Variants in EIF4G3 observed in about 807,000 individuals in gnomAD.
EIF4G3 encodes the protein eIF-4-gamma 3.
A neutral mutation model predicts 186.4 loss-of-function variants in EIF4G3; 34 were observed. The ratio of observed to expected loss-of-function variants is 0.18; its 90% CI spans 0.14 to 0.24. The LOEUF (loss-of-function observed/expected upper bound fraction) is 0.24. Among genes scored for constraint, EIF4G3 ranks in the 10% least tolerant of loss-of-function variants. The probability of loss-of-function intolerance (pLI) is 1.00; values close to 1 mark genes in which losing one functional copy is unlikely to be tolerated. For synonymous variants in EIF4G3, 673 were observed against 679.5 expected (o/e 0.99, Z 0.15); for missense variants, 1,536 against 1,948.5 (o/e 0.79, Z 3.99).
intron 12 of EIF4G3, among the ~76,000 whole-genome samples, chr1:20,962,809 T>A (rs1410874664): frequency 1.3e-5 from 2 of 152,162 alleles, no homozygotes; most frequent in Non-Finnish European, 2.9e-5. Context: ...TTGAGCTTAC[T>A]AAAATAGCAA....
At chr1:20,840,829 A>C (rs757137203) in intron 30 of EIF4G3, 27 bp downstream of exon 30, 4 of 1,608,204 alleles carry the variant, frequency 2.5e-6, no homozygotes, top group Non-Finnish European at 3.4e-6. Context: ...CTAGTAACTG[A>C]ATACCACTCT....
At chr1:21,123,784 CT>C (rs1234108011) in intron 2 of EIF4G3, among the ~76,000 whole-genome samples, 2 of 152,000 alleles carry the variant, frequency 1.3e-5, no homozygotes, top group African/African-American at 4.8e-5. Flanking sequence ...CACATAGGTC[CT>C]ATAAAAAATA....
At chr1:21,068,263 G>A (rs1426156687) in intron 3 of EIF4G3, among the ~76,000 whole-genome samples, 1 of 151,124 alleles carries the variant, frequency 6.6e-6, no homozygotes, top group Non-Finnish European at 1.5e-5. Context: ...CAGCTACTCG[G>A]GAGGCTGAGG....
chr1:21,167,936 A>G (rs2097885591), intron 2 of EIF4G3: 17 of 387,136 alleles, frequency 4.4e-5, no homozygotes, highest in South Asian at 3.1e-4. Context: ...TACAGGAACA[A>G]TAACTCAAAA....
chr1:20,807,323 T>C lies in EIF4G3; in HGVS notation c.4922A>G (p.Asn1641Ser). The C allele has an allele frequency of 6.4e-7, 1 of 1,572,738 alleles. No individual in the cohort carries two copies. The highest frequency in any genetic ancestry group is 1.2e-5 in the South Asian group (1 of 85,002). Residue 1641 changes from asparagine (N) to serine (S), a missense_variant, in exon 37 of 37, where the codon AAC becomes AGC. This residue lies in a region of EIF4G3 where 45 missense variants were observed against 99.1 expected (regional missense o/e 0.45). Transcript: ENST00000602326. ...LREAEEESED[N>S] ...TCATTTTGTGTATTTGAAGTTTTAG[T>C]TATCCTCAGACTCCTCTTCTGCTTC...
At chr1:20,905,063 G>C in intron 14 of EIF4G3, 92 bp from the exon 15 acceptor site, 1 of 926,268 alleles carries the variant, frequency 1.1e-6, no homozygotes, top group South Asian at 1.7e-5. Flanking sequence ...AATTAAGCAG[G>C]ATAAAAGAGA....
At chr1:20,952,910 C>T (rs1041759579) in intron 12 of EIF4G3, among the ~76,000 whole-genome samples, 2 of 152,050 alleles carry the variant, frequency 1.3e-5, no homozygotes, top group Admixed American at 6.6e-5. Flanking sequence ...AGTTCCTTAT[C>T]TTCCCAAAGA....
intron 4 of EIF4G3, among the ~76,000 whole-genome samples, chr1:21,016,058 T>C (rs539223144): frequency 8.3e-4 from 126 of 152,318 alleles, no homozygotes; most frequent in African/African-American, 3.0e-3. Flanking sequence ...GTCCAGTTTT[T>C]ATTCTTTTAC....
intron 29 of EIF4G3, among the ~76,000 whole-genome samples, chr1:20,845,226 T>C (rs935105126): frequency 2.0e-5 from 3 of 152,320 alleles, no homozygotes; most frequent in Non-Finnish European, 2.9e-5. Flanking sequence ...CCTTTCCCCA[T>C]TGCTTGTTTT....
chr1:21,082,338 A>G (rs1042818495), intron 3 of EIF4G3, among the ~76,000 whole-genome samples: 1 of 151,950 alleles, frequency 6.6e-6, no homozygotes, highest in Non-Finnish European at 1.5e-5. Context: ...TAATCCCAGC[A>G]TATTCGGAGG....
intron 6 of EIF4G3, among the ~76,000 whole-genome samples, chr1:21,000,126 A>AT (rs2083175329): frequency 7.8e-6 from 1 of 128,452 alleles, no homozygotes; most frequent in Non-Finnish European, 1.8e-5. Context: ...TAGACAGGCT[A>AT]TTAAAAAAAA....
At position 21,042,941 on chromosome 1, in the gene EIF4G3, C is replaced by A. The variant is rs184094166; in HGVS notation, c.-67+7925G>T. On this transcript the variant is annotated intron_variant, in intron 4 of 36. Transcript: ENST00000602326. Reference sequence around the variant, plus strand: ...TGAACTGAATTAGCAATTTTCAGAACCATAAAAATCTAAAAATCTGAATGT... The same window carrying A: ...TGAACTGAATTAGCAATTTTCAGAAACATAAAAATCTAAAAATCTGAATGT... Among the ~76,000 whole-genome samples the A allele has an allele frequency of 8.5e-5, 13 of 152,208 alleles. No homozygotes were observed. In the East Asian group the frequency reaches 2.3e-3, roughly 27 times the overall value.
chr1:20,933,426 C>G (rs1244692923), intron 14 of EIF4G3, among the ~76,000 whole-genome samples: 1 of 151,866 alleles, frequency 6.6e-6, no homozygotes, highest in Non-Finnish European at 1.5e-5. Context: ...GGAGGCTGAG[C>G]CGGGTGGATC....
intron 18 of EIF4G3, among the ~76,000 whole-genome samples, chr1:20,889,428 T>C (rs548185830): frequency 2.0e-5 from 3 of 152,348 alleles, no homozygotes; most frequent in African/African-American, 4.8e-5. Flanking sequence ...CCTCTTAAGA[T>C]ATATTTTTTG....
chr1:21,137,612 C>G (rs2097268760), intron 2 of EIF4G3, among the ~76,000 whole-genome samples: 1 of 151,864 alleles, frequency 6.6e-6, no homozygotes, highest in African/African-American at 2.4e-5. Context: ...AGTTTGAGAC[C>G]AGCCTGGGCA....
intron 2 of EIF4G3, among the ~76,000 whole-genome samples, chr1:21,171,043 G>GT (rs2097956365): frequency 6.6e-6 from 1 of 151,920 alleles, no homozygotes; most frequent in Non-Finnish European, 1.5e-5. Context: ...ACTTAAAATA[G>GT]TTTAACTTTC....
intron 2 of EIF4G3, among the ~76,000 whole-genome samples, chr1:21,118,926 T>A: frequency 3.3e-5 from 3 of 92,096 alleles, no homozygotes; most frequent in East Asian, 3.3e-4. Flanking sequence ...AGAACCAAGC[T>A]CTATTAAAAA....
At chr1:21,066,218 T>A (rs1248152789) in intron 3 of EIF4G3, among the ~76,000 whole-genome samples, 1 of 151,256 alleles carries the variant, frequency 6.6e-6, no homozygotes, top group Non-Finnish European at 1.5e-5. Flanking sequence ...CTGAATTTTT[T>A]AAAGAGTTAT....
intron 4 of EIF4G3, among the ~76,000 whole-genome samples, chr1:21,017,484 T>A (rs2089468987): frequency 1.3e-5 from 2 of 151,750 alleles, no homozygotes; most frequent in South Asian, 4.2e-4. Context: ...AAAAATTAGC[T>A]GGGCGTGGTG....
Sources: allele counts gnomAD v4.1 joint callset (sites outside exome capture counted in the v4.1 genomes callset), GRCh38; gene constraint gnomAD v4.1.1; regional missense constraint gnomAD v4.1.1; transcripts MANE v1.5; gene names NCBI Gene and HGNC (gene_info 2026-07-23, HGNC 2026-07-21).